NR6A1: variants seen among roughly 807,000 people sequenced by gnomAD.
NR6A1 encodes the protein retinoic acid receptor-related testis-associated receptor.
Under a neutral mutation model 59.1 loss-of-function variants are expected in NR6A1, and 7 were observed. The ratio of observed to expected loss-of-function variants is 0.12; its 90% CI spans 0.07 to 0.22. The LOEUF is 0.22. NR6A1 is among the 10% of genes least tolerant of loss of function. The pLI is 1.00. For synonymous variants in NR6A1, 243 were observed against 236.1 expected, an observed-to-expected ratio of 1.03 and a Z score of -0.27; for missense variants, 468 against 611.6, an observed-to-expected ratio of 0.77 and a Z score of 2.48.
chr9:124,658,879 GCTC>G (rs1209925873), intron 2 of NR6A1: 1 of 151,932 alleles, frequency 6.6e-6, no homozygotes, highest in African/African-American at 2.4e-5. Context: ...TTCTGCACGT[GCTC>G]CTTTGTTCTC....
intron 2 of NR6A1, among the ~76,000 whole-genome samples, chr9:124,731,096 G>A (rs1174332657): frequency 2.0e-5 from 3 of 152,026 alleles, no homozygotes; most frequent in Non-Finnish European, 4.4e-5. Context: ...CCATGGCCAG[G>A]TGCAGTGGTT....
At chr9:124,708,892 TC>T (rs35338589) in intron 2 of NR6A1, among the ~76,000 whole-genome samples, 1 of 152,164 alleles carries the variant, frequency 6.6e-6, no homozygotes, top group African/African-American at 2.4e-5. Context: ...TGGGTCCCTT[TC>T]CCACTGGCCC....
intron 2 of NR6A1, among the ~76,000 whole-genome samples, chr9:124,697,125 A>G (rs1838792573): frequency 2.0e-5 from 3 of 152,252 alleles, no homozygotes; most frequent in Non-Finnish European, 4.4e-5. Context: ...AGAAATGGGC[A>G]ATTTCACAAT....
rs1405459115 is a variant in NR6A1 at position 124,767,229 on chromosome 9, T to C, written c.100+3791A>G. Among the ~76,000 whole-genome samples the C allele has an allele frequency of 2.6e-5, 4 of 152,328 alleles. No individual in the cohort carries two copies. The South Asian group carries it at 6.2e-4, about 24-fold the overall frequency. On this transcript the variant is annotated intron_variant, in intron 1 of 9. Coordinates refer to ENST00000487099, the MANE Select transcript of NR6A1 (RefSeq NM_033334.4). Reference sequence around the variant, plus strand: ...ATTTTTGGAAATTTACCAGCAGTTATTTTTTTCATTAGCTCCCCATCCAAC... The same window carrying C: ...ATTTTTGGAAATTTACCAGCAGTTACTTTTTTCATTAGCTCCCCATCCAAC...
chr9:124,522,665 A>C lies in NR6A1; in HGVS notation c.*40T>G. 2 of 1,519,500 alleles carry C rather than the reference A, an allele frequency of 1.3e-6. No individual in the cohort carries two copies. The highest frequency in any genetic ancestry group is 1.2e-5 in the South Asian group (1 of 83,076). 94.1% of individuals were successfully genotyped at this position (1,519,500 alleles called of 1,614,324 possible). On this transcript the variant is annotated 3_prime_UTR_variant, in exon 10 of 10. Transcript: ENST00000487099. The stretch of plus-strand genomic sequence containing the variant: ...CCTCCAGAGCCTGTCCTGCCCACCC[A>C]AGACGCTGTGGTTGGCCTGAGGAGG...
intron 7 of NR6A1, among the ~76,000 whole-genome samples, chr9:124,530,714 A>G (rs1032629765): frequency 1.3e-5 from 2 of 152,234 alleles, no homozygotes; most frequent in Admixed American, 6.5e-5. Context: ...ATCAGCCACA[A>G]CCTTAGAGAA....
At chr9:124,711,956 T>C (rs536719269) in intron 2 of NR6A1, among the ~76,000 whole-genome samples, 22 of 152,314 alleles carry the variant, frequency 1.4e-4, no homozygotes, top group Admixed American at 7.2e-4. Flanking sequence ...GACCTAAGGG[T>C]ATACAACTCC....
rs562382115 is a variant in NR6A1 at position 124,689,285 on chromosome 9, A to G, written c.142+44023T>C. Among the ~76,000 whole-genome samples, 5 of 152,352 alleles carry G rather than the reference A, an allele frequency of 3.3e-5. No individual in the cohort carries two copies. In the South Asian group the frequency reaches 1.0e-3, roughly 32 times the overall value. On this transcript the variant is annotated intron_variant, in intron 2 of 9. Coordinates refer to ENST00000487099, the MANE Select transcript of NR6A1 (RefSeq NM_033334.4). ...AAATGGAGAGGTTAAGTAATTTGTC[A>G]AAGATCACATAGCTAGTAAAATTCA...
intron 9 of NR6A1, among the ~76,000 whole-genome samples, chr9:124,523,189 C>T (rs1030863605): frequency 1.8e-4 from 27 of 152,074 alleles, no homozygotes; most frequent in Non-Finnish European, 2.6e-4. Context: ...CCTCAACCCC[C>T]GGTAGATTTT....
intron 2 of NR6A1, among the ~76,000 whole-genome samples, chr9:124,650,975 A>G (rs2130921176): frequency 6.6e-6 from 1 of 152,346 alleles, no homozygotes; most frequent in African/African-American, 2.4e-5. Context: ...GCTTTAGTGA[A>G]GACTATAAAT....
rs1005267623 is a variant in NR6A1, at chr9:124,629,133, A to C, written c.143-74563T>G. Among the ~76,000 whole-genome samples, 51 of 152,284 alleles carry C rather than the reference A, an allele frequency of 3.3e-4. No homozygotes were observed. In the East Asian group the frequency reaches 7.1e-3, roughly 21 times the overall value. Reference sequence around the variant, plus strand: ...CTTAATTCACATTCTTCCTGCCACAAGTGAATGGAGTTAAAAAGGGAAACT... The same window carrying C: ...CTTAATTCACATTCTTCCTGCCACACGTGAATGGAGTTAAAAAGGGAAACT... On this transcript the variant is annotated intron_variant, in intron 2 of 9. Transcript: ENST00000487099.
intron 2 of NR6A1, among the ~76,000 whole-genome samples, chr9:124,691,604 T>C (rs1838546069): frequency 6.6e-6 from 1 of 152,228 alleles, no homozygotes; most frequent in Non-Finnish European, 1.5e-5. Context: ...ACTGGTATCG[T>C]TTCAGCCAGA....
At chr9:124,605,542 A>C (rs528396209) in intron 2 of NR6A1, among the ~76,000 whole-genome samples, 70 of 152,212 alleles carry the variant, frequency 4.6e-4, no homozygotes, top group Admixed American at 2.7e-3. Flanking sequence ...CCCTCGCATC[A>C]CTGCACTCCA....
intron 2 of NR6A1, among the ~76,000 whole-genome samples, chr9:124,605,536 C>T (rs546022461): frequency 2.0e-5 from 3 of 151,926 alleles, no homozygotes; most frequent in South Asian, 2.1e-4. Flanking sequence ...AAAAAACCCT[C>T]GCATCACTGC....
At chr9:124,577,738 A>G (rs1325959627) in intron 2 of NR6A1, among the ~76,000 whole-genome samples, 1 of 152,206 alleles carries the variant, frequency 6.6e-6, no homozygotes, top group African/African-American at 2.4e-5. Flanking sequence ...CAAACTTTCT[A>G]TTCTCGTAAA....
chr9:124,693,544 C>T (rs1266497356), intron 2 of NR6A1, among the ~76,000 whole-genome samples: 1 of 152,206 alleles, frequency 6.6e-6, no homozygotes, highest in Non-Finnish European at 1.5e-5. Flanking sequence ...GCAATAACCT[C>T]CCAGCTCCAA....
intron 2 of NR6A1, among the ~76,000 whole-genome samples, chr9:124,694,072 C>A (rs1008999914): frequency 6.6e-6 from 1 of 152,118 alleles, no homozygotes; most frequent in Non-Finnish European, 1.5e-5. Flanking sequence ...TAAACAGAAT[C>A]ATATGCTTAT....
chr9:124,699,275 G>A (rs1462002337), intron 2 of NR6A1, among the ~76,000 whole-genome samples: 1 of 152,176 alleles, frequency 6.6e-6, no homozygotes, highest in Admixed American at 6.5e-5. Flanking sequence ...TTGTCAACCA[G>A]CAGTATATGT....
At chr9:124,639,034 G>C (rs920003372) in intron 2 of NR6A1, among the ~76,000 whole-genome samples, 1 of 152,184 alleles carries the variant, frequency 6.6e-6, no homozygotes, top group Non-Finnish European at 1.5e-5. Flanking sequence ...AGCCATAATA[G>C]TTAACACAAT....
Sources: gnomAD v4.1 joint callset for allele counts (sites outside exome capture counted in the v4.1 genomes callset) on GRCh38, gnomAD v4.1.1 for gene constraint, MANE v1.5 for transcripts, NCBI Gene and HGNC (gene_info 2026-07-23, HGNC 2026-07-21) for gene names.